MYT1L: variants seen among roughly 807,000 people sequenced by gnomAD.
MYT1L encodes myelin transcription factor 1-like protein.
Under a neutral mutation model 126.7 loss-of-function variants are expected in MYT1L, and 12 were observed. The observed-to-expected ratio is 0.09, with a 90% CI of 0.06 to 0.15. The LOEUF (loss-of-function observed/expected upper bound fraction) is 0.15, where lower values mean the gene tolerates loss of function less well. Among genes scored for constraint, MYT1L ranks in the 10% least tolerant of loss-of-function variants. The pLI is 1.00. For synonymous variants in MYT1L, 541 were observed against 604.2 expected (o/e 0.90, Z 1.53); for missense variants, 979 against 1,585.2 (o/e 0.62, Z 6.49).
At chr2:1,865,976 C>T (rs1425318275) in intron 18 of MYT1L, among the ~76,000 whole-genome samples, 1 of 152,184 alleles carries the variant, frequency 6.6e-6, no homozygotes, top group Non-Finnish European at 1.5e-5. Context: ...GCTTTGAACC[C>T]AAGCTGTCCC....
At chr2:1,968,250 C>T (rs1217877418) in intron 8 of MYT1L, among the ~76,000 whole-genome samples, 1 of 150,440 alleles carries the variant, frequency 6.6e-6, no homozygotes, top group Non-Finnish European at 1.5e-5. Flanking sequence ...CTACCCTCTG[C>T]CCTCTCCGCA....
chr2:2,317,609 A>C (rs1428527945), intron 1 of MYT1L, among the ~76,000 whole-genome samples: 1 of 152,180 alleles, frequency 6.6e-6, no homozygotes, highest in Non-Finnish European at 1.5e-5. Flanking sequence ...AAAGACAAAA[A>C]ATAAAAATAA....
intron 2 of MYT1L, among the ~76,000 whole-genome samples, chr2:2,280,110 T>C (rs1367192320): frequency 6.6e-6 from 1 of 152,216 alleles, no homozygotes; most frequent in Non-Finnish European, 1.5e-5. Context: ...TAAGAAAATT[T>C]GTATGAGCAA....
At chr2:2,147,112 A>G (rs1201954739) in intron 3 of MYT1L, among the ~76,000 whole-genome samples, 2 of 152,222 alleles carry the variant, frequency 1.3e-5, no homozygotes, top group Non-Finnish European at 2.9e-5. Context: ...AGCAGGCTTG[A>G]AAAGACCCAG....
chr2:1,925,642 G>T (rs937071115), intron 9 of MYT1L, among the ~76,000 whole-genome samples: 7 of 152,168 alleles, frequency 4.6e-5, no homozygotes, highest in Admixed American at 2.0e-4. Flanking sequence ...GAGCAGCCAA[G>T]GAGAAAGTCC....
chr2:2,234,363 C>T (rs2094232038), intron 2 of MYT1L, among the ~76,000 whole-genome samples: 1 of 152,180 alleles, frequency 6.6e-6, no homozygotes, highest in South Asian at 2.1e-4. Flanking sequence ...AAGACAGACG[C>T]ACACATTTGT....
At chr2:1,813,033 G>T (rs1227904443) in intron 21 of MYT1L, among the ~76,000 whole-genome samples, 6 of 152,158 alleles carry the variant, frequency 3.9e-5, no homozygotes, top group Admixed American at 2.6e-4. Context: ...GGCCCAGCCC[G>T]GCTCAGTATG....
chr2:2,231,093 C>T (rs1299320827), intron 2 of MYT1L, among the ~76,000 whole-genome samples: 2 of 152,192 alleles, frequency 1.3e-5, no homozygotes, highest in African/African-American at 4.8e-5. Context: ...AGTTATTACC[C>T]TTTCCAGTCC....
chr2:1,897,297 G>A (rs544988309), intron 14 of MYT1L, among the ~76,000 whole-genome samples: 8 of 152,308 alleles, frequency 5.3e-5, no homozygotes, highest in Middle Eastern at 3.4e-3. Flanking sequence ...AGCATTGCTC[G>A]GCTCAGTGCC....
chr2:2,063,862 C>CA (rs112944482), intron 3 of MYT1L, among the ~76,000 whole-genome samples: 4,250 of 152,064 alleles, frequency 0.028, 186 homozygotes, highest in African/African-American at 0.094. Flanking sequence ...ACAAAACAAA[C>CA]AACATAAAAA....
chr2:2,220,930 G>A (rs1267489664), intron 2 of MYT1L, among the ~76,000 whole-genome samples: 1 of 152,244 alleles, frequency 6.6e-6, no homozygotes, highest in East Asian at 1.9e-4. Flanking sequence ...CAATTATGGT[G>A]ATGGTTTAAA....
intron 3 of MYT1L, among the ~76,000 whole-genome samples, chr2:2,095,486 G>T (rs1219248041): frequency 6.6e-6 from 1 of 152,154 alleles, no homozygotes; most frequent in African/African-American, 2.4e-5. Flanking sequence ...ACCCTGCTTG[G>T]GTTGGAGACA....
intron 21 of MYT1L, among the ~76,000 whole-genome samples, chr2:1,821,864 G>A (rs557287785): frequency 1.3e-5 from 2 of 152,298 alleles, no homozygotes; most frequent in East Asian, 1.9e-4. Flanking sequence ...TCAGTACAAC[G>A]GCTCATCCTG....
Position 1,916,198 on chromosome 2 carries a change from A to G in MYT1L, c.1618+1007T>C, listed in dbSNP as rs143179247. Among the ~76,000 whole-genome samples the G allele has an allele frequency of 1.4e-4, 22 of 152,318 alleles. No homozygotes were observed. In the East Asian group the frequency reaches 2.1e-3, roughly 15 times the overall value. On this transcript the variant is annotated intron_variant, in intron 11 of 24. Coordinates refer to ENST00000647738, the MANE Select transcript of MYT1L (RefSeq NM_001303052.2). ...TCTTTCACTAGAAAATGTTCAGCAA[A>G]AACTTCCTAAGTCCCAAATGCTCCT...
chr2:2,210,733 A>G (rs926563319), intron 2 of MYT1L, among the ~76,000 whole-genome samples: 2 of 152,104 alleles, frequency 1.3e-5, no homozygotes, highest in Admixed American at 1.3e-4. Flanking sequence ...TTACATATTA[A>G]TTTTAGGATA....
At chr2:1,792,545 T>C in intron 23 of MYT1L, 81 bp from the exon 24 acceptor site, 1 of 1,466,394 alleles carries the variant, frequency 6.8e-7, no homozygotes, top group South Asian at 1.3e-5. Flanking sequence ...CACAGTCTAC[T>C]GGGTGCGAAG....
At chr2:1,939,201 C>A (rs2056359539) in intron 9 of MYT1L, among the ~76,000 whole-genome samples, 1 of 152,196 alleles carries the variant, frequency 6.6e-6, no homozygotes, top group Non-Finnish European at 1.5e-5. Context: ...TGTGCTCTGG[C>A]CACGTGGCTT....
At chr2:1,969,501 C>A (rs1018474470) in intron 8 of MYT1L, among the ~76,000 whole-genome samples, 3 of 152,232 alleles carry the variant, frequency 2.0e-5, no homozygotes, top group African/African-American at 7.2e-5. Flanking sequence ...CGGTGCCAGC[C>A]TTAGCTTCTC....
intron 8 of MYT1L, among the ~76,000 whole-genome samples, chr2:1,958,384 T>C (rs2058688267): frequency 6.6e-6 from 1 of 151,772 alleles, no homozygotes; most frequent in Admixed American, 6.6e-5. Context: ...GATGAGGATG[T>C]GGCCACTGCA....
Sources: allele counts gnomAD v4.1 joint callset (sites outside exome capture counted in the v4.1 genomes callset), GRCh38; gene constraint gnomAD v4.1.1; transcripts MANE v1.5; gene names NCBI Gene and HGNC (gene_info 2026-07-23, HGNC 2026-07-21).